The following INPP5D variants were observed in gnomAD, a reference collection of about 807,000 sequenced individuals.
The protein encoded by INPP5D is inositol polyphosphate-5-phosphatase D.
In INPP5D, 33 loss-of-function variants were observed where a neutral mutation model predicts 122.9. That is an observed-to-expected ratio of 0.27 (90% CI 0.20 to 0.36). INPP5D has a LOEUF of 0.36. Ranked by LOEUF, INPP5D falls within the 10% of genes least tolerant of loss-of-function variation. INPP5D has a pLI of 1.00. For missense variants in INPP5D, 1,053 were observed against 1,412.7 expected (o/e 0.75, Z 4.08); for synonymous variants, 584 against 576.2 (o/e 1.01, Z -0.19).
intron 2 of INPP5D, among the ~76,000 whole-genome samples, chr2:233,099,275 T>C (rs946621266): frequency 6.6e-5 from 10 of 152,186 alleles, no homozygotes; most frequent in African/African-American, 2.2e-4. Flanking sequence ...TAGATTGTTT[T>C]GTCCTAAACT....
intron 19 of INPP5D, among the ~76,000 whole-genome samples, chr2:233,182,840 G>A (rs1694817885): frequency 6.6e-6 from 1 of 152,182 alleles, no homozygotes. Flanking sequence ...ACATTTATTA[G>A]TAATGCCTTT....
At chr2:233,074,559 T>C (rs1691466084) in intron 1 of INPP5D, among the ~76,000 whole-genome samples, 1 of 152,216 alleles carries the variant, frequency 6.6e-6, no homozygotes, top group Non-Finnish European at 1.5e-5. Context: ...GTGAACAGTT[T>C]GTTTCCCAAG....
chr2:233,074,637 G>A lies in INPP5D; in HGVS notation c.135-4698G>A, dbSNP rs529886410. On this transcript the variant is annotated intron_variant, in intron 1 of 26. Coordinates refer to ENST00000445964, the MANE Select transcript of INPP5D (RefSeq NM_001017915.3). ...TTTTTTTTGTGTTTTTTTTTTGAAC[G>A]CAGGGTTTCCAGCCCCCGTTCTCCT... Among the ~76,000 whole-genome samples the A allele has an allele frequency of 1.3e-4, 19 of 150,940 alleles. No individual in the cohort carries two copies. The South Asian group carries it at 2.1e-3, about 17-fold the overall frequency.
chr2:233,198,579 T>C (rs1196488248), intron 25 of INPP5D, among the ~76,000 whole-genome samples: 1 of 152,236 alleles, frequency 6.6e-6, no homozygotes, highest in African/African-American at 2.4e-5. Context: ...TGCAACTCGA[T>C]TGCTTTTTAA....
chr2:233,120,909 G>GA (rs1023963652), intron 2 of INPP5D, among the ~76,000 whole-genome samples: 3 of 150,834 alleles, frequency 2.0e-5, no homozygotes, highest in South Asian at 2.1e-4. Flanking sequence ...TATAACAAAT[G>GA]AAAAAAATAA....
At position 233,130,486 on chromosome 2, in the gene INPP5D, GTTTCTTT is replaced by G. The variant is rs1693289332; in HGVS notation, c.525-13_525-7del. The G allele has an allele frequency of 1.9e-6, 3 of 1,611,576 alleles. No homozygotes were observed. The highest frequency in any genetic ancestry group is 1.3e-5 in the African/African-American group (1 of 74,672). On this transcript the variant is annotated splice_polypyrimidine_tract_variant and intron_variant, in intron 4 of 26. Coordinates refer to ENST00000445964, the MANE Select transcript of INPP5D (RefSeq NM_001017915.3). ...TAAAAGAAACAGGCAAGCATAGTTT[GTTTCTTT>G]TTTCTTTTCTTTAGGCTTCCAGAAG...
At chr2:233,114,874 T>C (rs978927774) in intron 2 of INPP5D, among the ~76,000 whole-genome samples, 2 of 150,884 alleles carry the variant, frequency 1.3e-5, no homozygotes, top group Non-Finnish European at 3.0e-5. Context: ...GTTTCCACTT[T>C]TTTTTTTTTT....
intron 17 of INPP5D, among the ~76,000 whole-genome samples, chr2:233,176,356 G>GATGGATGGATGGATGGATGGATGA (rs59316189): frequency 1.4e-5 from 2 of 138,992 alleles, no homozygotes; most frequent in Admixed American, 7.2e-5. Flanking sequence ...TGGATGGATG[G>GATGGATGGATGGATGGATGGATGA]ATAGGCGAAT....
At chr2:233,094,760 C>T (rs896257204) in intron 2 of INPP5D, among the ~76,000 whole-genome samples, 6 of 152,010 alleles carry the variant, frequency 3.9e-5, no homozygotes, top group Non-Finnish European at 8.8e-5. Flanking sequence ...GATCCTGATG[C>T]ACATTAGGGT....
At chr2:233,162,015 T>C (rs565379792) in intron 11 of INPP5D, among the ~76,000 whole-genome samples, 189 bp downstream of exon 11, 181 of 152,114 alleles carry the variant, frequency 1.2e-3, no homozygotes, top group African/African-American at 4.1e-3. Flanking sequence ...CCTGAGATGA[T>C]GGGTAAGAAA....
chr2:233,189,707 C>A lies in INPP5D; in HGVS notation c.2359-143C>A. 1 of 1,234,938 alleles carries A rather than the reference C, an allele frequency of 8.1e-7. No homozygotes were observed. The allele number at this position is 1,234,938 out of a possible 1,614,324, so 76.5% of individuals were successfully genotyped here. A position where few individuals can be genotyped will look rare whatever the true frequency, so the allele number is the denominator to read the frequency against. ...GGGTGTATGTGAAAGCTATACCCCA[C>A]CTGCTCTCTTGGGTATGGACAGCAG... On this transcript the variant is annotated intron_variant, in intron 21 of 26. Coordinates refer to ENST00000445964, the MANE Select transcript of INPP5D (RefSeq NM_001017915.3). The surrounding 1 kb of genome is among the most constrained non-coding windows in gnomAD (Gnocchi z 5.6).
intron 2 of INPP5D, among the ~76,000 whole-genome samples, chr2:233,116,849 C>T (rs1319991122): frequency 6.6e-6 from 1 of 151,834 alleles, no homozygotes; most frequent in Non-Finnish European, 1.5e-5. Flanking sequence ...CCCACCTCGG[C>T]CTCCCAAATT....
rs1693517741 is a variant in INPP5D, at chr2:233,137,852, AAATATATATATATATATATATATAT to A, written c.666-1988_666-1964del. Among the ~76,000 whole-genome samples the A allele has an allele frequency of 1.7e-4, 2 of 11,630 alleles. 1 individual carries two copies. Among genetic ancestry groups the A allele is most frequent in the Non-Finnish European group, 3.8e-4 (2 of 5,202 alleles). 7.6% of individuals were successfully genotyped at this position (11,630 alleles called of 152,430 possible). On this transcript the variant is annotated intron_variant, in intron 5 of 26. Coordinates refer to ENST00000445964, the MANE Select transcript of INPP5D (RefSeq NM_001017915.3). ...CATCACAAAAAAAAAAAAAAAAAAA[AAATATATATATATATATATATATAT>A]ATATATATATATATATATATACACA...
At chr2:233,130,116 A>C (rs1022898308) in intron 4 of INPP5D, among the ~76,000 whole-genome samples, 1 of 152,088 alleles carries the variant, frequency 6.6e-6, no homozygotes, top group Non-Finnish European at 1.5e-5. Context: ...GCTGTTCTTG[A>C]ACTCCTAACC....
chr2:233,190,432 C>T (rs1695024050), intron 22 of INPP5D, among the ~76,000 whole-genome samples: 1 of 152,202 alleles, frequency 6.6e-6, no homozygotes, highest in Admixed American at 6.5e-5. Flanking sequence ...AACACCTGCT[C>T]AGGCACAAAG....
chr2:233,070,000 T>G (rs1021718868), intron 1 of INPP5D, among the ~76,000 whole-genome samples: 3 of 152,228 alleles, frequency 2.0e-5, no homozygotes, highest in Non-Finnish European at 4.4e-5. Flanking sequence ...CTGAATATTT[T>G]CATTTCAAAA....
At chr2:233,144,772 G>GTGA in intron 6 of INPP5D, among the ~76,000 whole-genome samples, 1 of 152,004 alleles carries the variant, frequency 6.6e-6, no homozygotes, top group African/African-American at 2.4e-5. Context: ...GGTAGTGATG[G>GTGA]TGGTGTTGGT....
rs1199718095 is a variant in INPP5D at position 233,097,891 on chromosome 2, CT to C, written c.198+18506del. 2.9e-3 allele frequency among the ~76,000 whole-genome samples: 413 copies of C among 142,102 alleles called. 3 individuals are homozygous for C. The highest frequency in any genetic ancestry group is 5.5e-3 in the African/African-American group (215 of 38,990). The allele number at this position is 142,102 out of a possible 152,430, so 93.2% of individuals were successfully genotyped here. A position where few individuals can be genotyped will look rare whatever the true frequency, so the allele number is the denominator to read the frequency against. On this transcript the variant is annotated intron_variant, in intron 2 of 26. Coordinates refer to ENST00000445964, the MANE Select transcript of INPP5D (RefSeq NM_001017915.3). The stretch of plus-strand genomic sequence containing the variant: ...CATGGTGCTTTTGGTTGTCTCATTT[CT>C]TTTTTTTTTTTTGAGACAGAGTCTC...
At chr2:233,194,274 G>A (rs1695126346) in intron 23 of INPP5D, among the ~76,000 whole-genome samples, 1 of 152,086 alleles carries the variant, frequency 6.6e-6, no homozygotes, top group Non-Finnish European at 1.5e-5. Flanking sequence ...AGGACCCAGT[G>A]TACCAAGCGA....
Sources: gnomAD v4.1 joint callset for allele counts (sites outside exome capture counted in the v4.1 genomes callset) on GRCh38, gnomAD v4.1.1 for gene constraint, Gnocchi (gnomAD v3.1) non-coding constraint, MANE v1.5 for transcripts, NCBI Gene and HGNC (gene_info 2026-07-23, HGNC 2026-07-21) for gene names.